MYO18B: variants seen among roughly 807,000 people sequenced by gnomAD.
The protein encoded by MYO18B is unconventional myosin-XVIIIb.
In MYO18B, 204 loss-of-function variants were observed where a neutral mutation model predicts 273.0. The observed-to-expected ratio is 0.75, with a 90% CI of 0.67 to 0.84. The LOEUF (loss-of-function observed/expected upper bound fraction) is 0.84. Ranked by LOEUF, MYO18B falls within the 40% of genes least tolerant of loss-of-function variation. The probability of loss-of-function intolerance (pLI) is 0.00; values close to 1 mark genes in which losing one functional copy is unlikely to be tolerated. For synonymous variants in MYO18B, 1,330 were observed against 1,305.7 expected (o/e 1.02, Z -0.40); for missense variants, 3,212 against 3,287.6 (o/e 0.98, Z 0.56).
chr22:25,843,585 C>T (rs2090147387), intron 17 of MYO18B, 150 bp from the exon 18 acceptor site: 1 of 689,290 alleles, frequency 1.5e-6, no homozygotes, highest in South Asian at 3.1e-5. Flanking sequence ...CACAAATTCA[C>T]TACAGCAGGA....
intron 34 of MYO18B, among the ~76,000 whole-genome samples, chr22:25,931,591 A>C (rs1453929105): frequency 6.6e-6 from 1 of 151,994 alleles, no homozygotes; most frequent in Non-Finnish European, 1.5e-5. Flanking sequence ...GTGCTCAGTG[A>C]ATGAGTGGGG....
intron 34 of MYO18B, among the ~76,000 whole-genome samples, chr22:25,936,616 A>G (rs1011991507): frequency 5.9e-5 from 9 of 152,222 alleles, no homozygotes; most frequent in African/African-American, 2.2e-4. Flanking sequence ...ACATGTCTTA[A>G]TCAGCTCAGG....
the MYO18B span, among the ~76,000 whole-genome samples, chr22:26,037,448 G>A: frequency 6.6e-6 from 1 of 152,160 alleles, no homozygotes; most frequent in African/African-American, 2.4e-5. Context: ...AGAGTTCAGA[G>A]CTCCTGACTC....
At chr22:25,924,608 G>A (rs2092394642) in intron 34 of MYO18B, among the ~76,000 whole-genome samples, 1 of 152,224 alleles carries the variant, frequency 6.6e-6, no homozygotes, top group Non-Finnish European at 1.5e-5. Flanking sequence ...TACCCTGGGA[G>A]AAGGAGAAAT....
At position 25,780,040 on chromosome 22, in the gene MYO18B, A is replaced by G; in HGVS notation, c.2069-16A>G. 2 of 1,571,788 alleles carry G rather than the reference A, an allele frequency of 1.3e-6. No homozygotes were observed. Among genetic ancestry groups the G allele is most frequent in the Non-Finnish European group, 1.7e-6 (2 of 1,160,800 alleles). ...TGGGCCATCAGTGACATGTGGCCCC[A>G]TGCTGCCCCCAACAGTGGAGAAGAT... On this transcript the variant is annotated splice_polypyrimidine_tract_variant and intron_variant, in intron 8 of 43. Coordinates refer to ENST00000335473, the MANE Select transcript of MYO18B (RefSeq NM_032608.7).
At chr22:25,822,096 T>A (rs540396610) in intron 12 of MYO18B, among the ~76,000 whole-genome samples, 67 of 152,340 alleles carry the variant, frequency 4.4e-4, no homozygotes, top group African/African-American at 1.5e-3. Context: ...AGAGTGGCTC[T>A]CCATTGATTC....
At chr22:25,837,921 T>C (rs1240015558) in intron 17 of MYO18B, among the ~76,000 whole-genome samples, 2 of 152,102 alleles carry the variant, frequency 1.3e-5, no homozygotes, top group East Asian at 3.9e-4. Context: ...ATGTGGAGGT[T>C]TGTTATATAG....
intron 39 of MYO18B, among the ~76,000 whole-genome samples, chr22:25,989,520 C>A (rs1303469995): frequency 1.3e-5 from 2 of 151,154 alleles, no homozygotes; most frequent in East Asian, 3.9e-4. Context: ...TGGTGGCTCA[C>A]GCCTGTACTC....
intron 10 of MYO18B, among the ~76,000 whole-genome samples, chr22:25,782,509 C>A (rs2087205145): frequency 6.6e-6 from 1 of 152,196 alleles, no homozygotes; most frequent in Admixed American, 6.5e-5. Context: ...TGCCCTTCCC[C>A]AAATCTACAG....
intron 21 of MYO18B, among the ~76,000 whole-genome samples, chr22:25,865,056 A>G (rs1253397105): frequency 1.3e-5 from 2 of 152,246 alleles, no homozygotes; most frequent in Non-Finnish European, 2.9e-5. Context: ...ACAGTTTCGT[A>G]TGGTTCAATC....
intron 15 of MYO18B, among the ~76,000 whole-genome samples, chr22:25,829,753 G>A (rs56306213): frequency 0.077 from 11,758 of 152,052 alleles, 1,070 homozygotes; most frequent in African/African-American, 0.21. Flanking sequence ...CAGGAGAATC[G>A]CTTGAACCCG....
intron 11 of MYO18B, among the ~76,000 whole-genome samples, chr22:25,789,776 A>T (rs1268308293): frequency 6.6e-6 from 1 of 152,194 alleles, no homozygotes; most frequent in Admixed American, 6.5e-5. Flanking sequence ...ACCCTGAGAA[A>T]CCCACTGGTC....
At chr22:25,788,545 G>T (rs5761185) in intron 11 of MYO18B, among the ~76,000 whole-genome samples, 1 of 152,212 alleles carries the variant, frequency 6.6e-6, no homozygotes, top group Non-Finnish European at 1.5e-5. Flanking sequence ...AGTGAAAGTA[G>T]TCAGATGCAG....
chr22:26,000,353 A>G (rs1463052262), intron 40 of MYO18B, among the ~76,000 whole-genome samples: 1 of 152,172 alleles, frequency 6.6e-6, no homozygotes, highest in South Asian at 2.1e-4. Context: ...GTTTTGGGCT[A>G]AGCCTTCCTC....
At chr22:25,817,282 CTCTT>C (rs908884714) in intron 12 of MYO18B, among the ~76,000 whole-genome samples, 12 of 150,876 alleles carry the variant, frequency 8.0e-5, no homozygotes, top group African/African-American at 2.2e-4. Context: ...CTCTTTGTCT[CTCTT>C]TCTGTCTCTT....
At chr22:25,907,963 G>A (rs1277980769) in intron 31 of MYO18B, among the ~76,000 whole-genome samples, 2 of 151,600 alleles carry the variant, frequency 1.3e-5, no homozygotes, top group African/African-American at 4.8e-5. Flanking sequence ...AAGCCAGGAG[G>A]TGGAGGTTGT....
the MYO18B span, among the ~76,000 whole-genome samples, chr22:26,057,222 A>G: frequency 5.9e-5 from 9 of 152,312 alleles, no homozygotes; most frequent in African/African-American, 2.2e-4. Context: ...CTAAAAAAAA[A>G]GGATATGTTT....
chr22:25,743,011 G>A (rs1366208513), intron 1 of MYO18B, among the ~76,000 whole-genome samples: 1 of 152,242 alleles, frequency 6.6e-6, no homozygotes, highest in African/African-American at 2.4e-5. Flanking sequence ...GAGAGGAGAA[G>A]ACCTCACCAG....
downstream of MYO18B, among the ~76,000 whole-genome samples, chr22:26,035,444 T>C (rs1936760274): frequency 6.6e-6 from 1 of 152,250 alleles, no homozygotes; most frequent in South Asian, 2.1e-4. Context: ...AGGAATGCAA[T>C]TGGGGCTGGC....
Sources: allele counts gnomAD v4.1 joint callset (sites outside exome capture counted in the v4.1 genomes callset), GRCh38; gene constraint gnomAD v4.1.1; transcripts MANE v1.5; gene names NCBI Gene and HGNC (gene_info 2026-07-23, HGNC 2026-07-21).